Variants in CCDC73 observed in about 807,000 individuals in gnomAD.
CCDC73 encodes the protein coiled-coil domain containing 73.
In CCDC73, 95 loss-of-function variants were observed where a neutral mutation model predicts 116.5. That is an observed-to-expected ratio of 0.82 (90% CI 0.69 to 0.97). The LOEUF (loss-of-function observed/expected upper bound fraction) is 0.97, where lower values mean the gene tolerates loss of function less well. CCDC73 is among the 50% of genes least tolerant of loss of function. The pLI is 0.00. For synonymous variants in CCDC73, 398 were observed against 401.3 expected, an observed-to-expected ratio of 0.99 and a Z score of 0.10; for missense variants, 1,066 against 1,206.8, an observed-to-expected ratio of 0.88 and a Z score of 1.73.
Position 32,760,212 on chromosome 11 carries a change from G to C in CCDC73, c.32C>G (p.Ser11Cys), listed in dbSNP as rs1224688205. The C allele has an allele frequency of 6.3e-7, 1 of 1,584,992 alleles. No individual in the cohort carries two copies. The highest frequency in any genetic ancestry group is 1.4e-5 in the African/African-American group (1 of 73,702). Reference protein sequence around the residue: MESNFNTESSSTFTLQSSSET... With the variant: MESNFNTESSCTFTLQSSSET... ...TGAAGAACTTTGAAGAGTAAAAGTAGATGATGACTCAGTATTGAAGTTGCT... is the reference window on the plus strand; with the variant it reads ...TGAAGAACTTTGAAGAGTAAAAGTACATGATGACTCAGTATTGAAGTTGCT... The change falls in exon 2 of 18, where the codon TCT becomes TGT. Residue 11 changes from serine to cysteine, a missense_variant. Transcript: ENST00000335185.
intron 1 of CCDC73, among the ~76,000 whole-genome samples, chr11:32,767,870 G>A (rs1230627818): frequency 2.6e-5 from 4 of 152,164 alleles, no homozygotes; most frequent in Non-Finnish European, 4.4e-5. Flanking sequence ...TTACACTGTT[G>A]GTGGGACGGT....
intron 9 of CCDC73, among the ~76,000 whole-genome samples, chr11:32,664,165 G>A (rs1164367159): frequency 6.6e-6 from 1 of 152,112 alleles, no homozygotes; most frequent in Non-Finnish European, 1.5e-5. Flanking sequence ...TCTCTGCCAG[G>A]CTTTGGTATC....
chr11:32,800,646 T>C, the CCDC73 span, among the ~76,000 whole-genome samples: 1 of 152,206 alleles, frequency 6.6e-6, no homozygotes, highest in African/African-American at 2.4e-5. Flanking sequence ...GATGGCACCA[T>C]CCTTTCAGTT....
Position 32,614,447 on chromosome 11 carries a change from T to G in CCDC73, c.1871A>C (p.Gln624Pro). The change falls in exon 16 of 18, where the codon CAA becomes CCA. Residue 624 changes from glutamine (Q) to proline (P), a missense_variant. By Grantham distance (76) the Gln-to-Pro change is moderately conservative. Transcript: ENST00000335185. ...ALEKEITNSD[Q>P]TKADLDSSLD... is the part of the protein sequence containing the mutation. ...AGACGAGTCCAAATCTGCTTTGGTT[T>G]GGTCACTATTTGTAATTTCCTTCTC... The G allele has an allele frequency of 1.9e-6, 3 of 1,613,646 alleles. No individual in the cohort carries two copies. The highest frequency in any genetic ancestry group is 2.5e-6 in the Non-Finnish European group (3 of 1,179,756).
intron 2 of CCDC73, among the ~76,000 whole-genome samples, chr11:32,755,710 CAT>C (rs1231468165): frequency 1.6e-4 from 4 of 24,932 alleles, no homozygotes; most frequent in African/African-American, 5.8e-4. Context: ...TATATATCTC[CAT>C]ATATATGTGT....
At chr11:32,645,736 A>G (rs1855772918) in intron 12 of CCDC73, among the ~76,000 whole-genome samples, 1 of 152,160 alleles carries the variant, frequency 6.6e-6, no homozygotes, top group Admixed American at 6.5e-5. Context: ...ATGACAGTGC[A>G]GCAGGTTTGT....
At chr11:32,635,925 G>A (rs1855673926) in intron 13 of CCDC73, 95 bp from the exon 14 acceptor site, 1 of 777,814 alleles carries the variant, frequency 1.3e-6, no homozygotes, top group Non-Finnish European at 1.6e-6. Context: ...TCAGGAAATA[G>A]TCAAAGAATC....
intron 3 of CCDC73, among the ~76,000 whole-genome samples, chr11:32,705,543 C>T (rs926292932): frequency 3.3e-5 from 5 of 152,164 alleles, no homozygotes; most frequent in Admixed American, 1.3e-4. Context: ...ACACACCCCT[C>T]GTCACTGTGT....
At chr11:32,709,995 G>C (rs1304709604) in intron 3 of CCDC73, among the ~76,000 whole-genome samples, 1 of 152,134 alleles carries the variant, frequency 6.6e-6, no homozygotes, top group Non-Finnish European at 1.5e-5. Flanking sequence ...GCACATAAAG[G>C]TGTTCATAGC....
chr11:32,707,743 C>T (rs971465435), intron 3 of CCDC73, among the ~76,000 whole-genome samples: 1 of 152,064 alleles, frequency 6.6e-6, no homozygotes, highest in Non-Finnish European at 1.5e-5. Flanking sequence ...GTAAATGTAT[C>T]ACTCCTGATG....
chr11:32,783,718 C>T (rs1850602784), intron 1 of CCDC73, among the ~76,000 whole-genome samples: 1 of 152,040 alleles, frequency 6.6e-6, no homozygotes. Flanking sequence ...TAATCACCTC[C>T]CAAAGGCCCC....
At chr11:32,752,431 T>A (rs1850294729) in intron 2 of CCDC73, among the ~76,000 whole-genome samples, 1 of 152,222 alleles carries the variant, frequency 6.6e-6, no homozygotes, top group Admixed American at 6.5e-5. Context: ...ATATAAACTG[T>A]TCAGACTTAA....
chr11:32,731,137 G>C (rs986295566), intron 2 of CCDC73, among the ~76,000 whole-genome samples: 6 of 152,306 alleles, frequency 3.9e-5, no homozygotes, highest in South Asian at 2.1e-4. Flanking sequence ...TCCTGCACCT[G>C]GCTCGGAGGG....
At chr11:32,799,138 C>G (rs1850751216), upstream of CCDC73, among the ~76,000 whole-genome samples, 1 of 146,716 alleles carries the variant, frequency 6.8e-6, no homozygotes, top group Non-Finnish European at 1.5e-5. Flanking sequence ...GTCACCCAGG[C>G]TGGAATACAG....
intron 2 of CCDC73, among the ~76,000 whole-genome samples, chr11:32,744,488 A>T (rs969923076): frequency 1.3e-5 from 2 of 152,210 alleles, no homozygotes; most frequent in Non-Finnish European, 2.9e-5. Context: ...GAATGGTGTC[A>T]GCTCCTCTTT....
At chr11:32,744,824 T>A (rs1269767610) in intron 2 of CCDC73, among the ~76,000 whole-genome samples, 2 of 152,208 alleles carry the variant, frequency 1.3e-5, no homozygotes, top group African/African-American at 4.8e-5. Flanking sequence ...GCTAGCAGTC[T>A]ATCTACTTTG....
At chr11:32,731,846 G>A (rs1442804884) in intron 2 of CCDC73, among the ~76,000 whole-genome samples, 1 of 152,202 alleles carries the variant, frequency 6.6e-6, no homozygotes, top group Non-Finnish European at 1.5e-5. Context: ...CTAAAAATAA[G>A]AGCACCTCTT....
chr11:32,666,837 C>T (rs1213484909), intron 9 of CCDC73, among the ~76,000 whole-genome samples: 1 of 152,088 alleles, frequency 6.6e-6, no homozygotes, highest in African/African-American at 2.4e-5. Context: ...ATGGGGTTTT[C>T]GTGTAGATGT....
At chr11:32,722,812 T>C (rs1850001075) in intron 2 of CCDC73, among the ~76,000 whole-genome samples, 1 of 152,188 alleles carries the variant, frequency 6.6e-6, no homozygotes, top group Non-Finnish European at 1.5e-5. Flanking sequence ...CTAAGTACTT[T>C]TTATTTATTG....
Sources: allele counts gnomAD v4.1 joint callset (sites outside exome capture counted in the v4.1 genomes callset), GRCh38; gene constraint gnomAD v4.1.1; transcripts MANE v1.5; gene names NCBI Gene and HGNC (gene_info 2026-07-23, HGNC 2026-07-21).